The following GTF3C1 variants were observed in gnomAD, a reference collection of about 807,000 sequenced individuals.
GTF3C1 encodes general transcription factor IIIC subunit 1, also known as general transcription factor 3C polypeptide 1.
In GTF3C1, 57 loss-of-function variants were observed where a neutral mutation model predicts 226.7. The observed-to-expected ratio is 0.25, with a 90% CI of 0.20 to 0.31. The LOEUF (loss-of-function observed/expected upper bound fraction) is 0.31. Among genes scored for constraint, GTF3C1 ranks in the 10% least tolerant of loss-of-function variants. The pLI is 1.00. For synonymous variants in GTF3C1, 1,090 were observed against 1,084.8 expected, an observed-to-expected ratio of 1.00 and a Z score of -0.09; for missense variants, 2,217 against 2,776.1, an observed-to-expected ratio of 0.80 and a Z score of 4.53.
intron 2 of GTF3C1, among the ~76,000 whole-genome samples, chr16:27,539,752 G>C (rs1288625649): frequency 2.0e-5 from 3 of 152,190 alleles, no homozygotes; most frequent in African/African-American, 7.2e-5. Flanking sequence ...CTGCCCTCTT[G>C]AATACATTAA....
In GTF3C1 at chr16:27,507,185, C is replaced by CTTTGCAGTGGGA; in HGVS notation, c.1243-30_1243-29insTCCCACTGCAAA. Reference sequence around the variant, plus strand: ...GAGGGAATAAGATGTGTTTATCCCACTGCAAAGAGGGCGTCATACCCACAG... The same window carrying CTTTGCAGTGGGA: ...GAGGGAATAAGATGTGTTTATCCCACTTTGCAGTGGGATGCAAAGAGGGCGTCATACCCACAG... On this transcript the variant is annotated intron_variant, in intron 8 of 36. Coordinates refer to ENST00000356183, the MANE Select transcript of GTF3C1 (RefSeq NM_001520.4). This position sits in a 1 kb window ranked among gnomAD's most constrained non-coding sequence, Gnocchi z 4.9. The CTTTGCAGTGGGA allele has an allele frequency of 6.5e-7, 1 of 1,533,360 alleles. No homozygotes were observed. The highest frequency in any genetic ancestry group is 8.9e-7 in the Non-Finnish European group (1 of 1,124,804). The allele number at this position is 1,533,360 out of a possible 1,614,324, so 95.0% of individuals were successfully genotyped here.
At chr16:27,523,653 C>T (rs2088785173) in intron 6 of GTF3C1, among the ~76,000 whole-genome samples, 3 of 152,132 alleles carry the variant, frequency 2.0e-5, no homozygotes, top group African/African-American at 7.2e-5. Context: ...CTGTTCCAAG[C>T]AGACACTGTA....
chr16:27,545,369 C>A lies in GTF3C1; in HGVS notation c.376G>T (p.Asp126Tyr). Reference protein sequence around the residue: ...YFKERKNITNDIRTKSLQPRC... With the variant: ...YFKERKNITNYIRTKSLQPRC... ...GGCTGCAAGGACTTGGTTCTGATGT[C>A]ATTGGTAATGTTTTTCCTCTCCTTA... Residue 126 changes from aspartate (D) to tyrosine (Y), a missense_variant, in exon 2 of 37, where the codon GAC (aspartate) becomes TAC (tyrosine). By Grantham distance (160) the Asp-to-Tyr change is radical (BLOSUM62 -3). Around this residue, in one of 12 missense-constraint regions of GTF3C1, gnomAD observed 192 missense variants for 251.8 expected, o/e 0.76. Transcript: ENST00000356183. 1.2e-6 allele frequency: 2 copies of A among 1,614,058 alleles called. No individual in the cohort carries two copies. The highest frequency in any genetic ancestry group is 1.1e-5 in the South Asian group (1 of 91,082).
intron 23 of GTF3C1, among the ~76,000 whole-genome samples, chr16:27,486,478 T>C (rs561757178): frequency 1.4e-4 from 22 of 152,278 alleles, no homozygotes; most frequent in Admixed American, 1.0e-3. Context: ...GAAGGCATCT[T>C]GTACAGAAGC....
At chr16:27,531,577 C>T (rs1164516935) in intron 5 of GTF3C1, among the ~76,000 whole-genome samples, 1 of 152,266 alleles carries the variant, frequency 6.6e-6, no homozygotes, top group African/African-American at 2.4e-5. Context: ...GGCTAACTTT[C>T]ACCATCTTAT....
chr16:27,488,191 A>G, intron 23 of GTF3C1, 36 bp downstream of exon 23: 1 of 1,578,064 alleles, frequency 6.3e-7, no homozygotes. Context: ...CAAAACAAAG[A>G]CAAGGCCCAG....
rs1486686188 is a variant in GTF3C1 at position 27,470,605 on chromosome 16, T to C, written c.4527-210A>G. 1 of 563,428 alleles carries C rather than the reference T, an allele frequency of 1.8e-6. No homozygotes were observed. The highest frequency in any genetic ancestry group is 3.2e-6 in the Non-Finnish European group (1 of 315,324). The allele number at this position is 563,428 out of a possible 1,614,324, so 34.9% of individuals were successfully genotyped here. ...TCTCTTCCCCGCTTGCCTGAGTACC[T>C]TCCGGGCAGAGTCCTGTCTCCTCAT... On this transcript the variant is annotated intron_variant, in intron 30 of 36. Transcript: ENST00000356183. The surrounding 1 kb of genome is among the most constrained non-coding windows in gnomAD (Gnocchi z 4.9).
intron 6 of GTF3C1, among the ~76,000 whole-genome samples, chr16:27,519,576 A>G (rs1273726749): frequency 6.6e-6 from 1 of 152,238 alleles, no homozygotes; most frequent in Non-Finnish European, 1.5e-5. Context: ...GAGGCAGCAG[A>G]GTAAGTAACC....
chr16:27,467,070 G>C (rs542334146), intron 32 of GTF3C1, among the ~76,000 whole-genome samples: 1 of 152,330 alleles, frequency 6.6e-6, no homozygotes, highest in Non-Finnish European at 1.5e-5. Flanking sequence ...CAGTAATGAA[G>C]GTGGATACAC....
At chr16:27,486,187 T>G in intron 23 of GTF3C1, 33 bp from the exon 24 acceptor site, 1 of 1,421,366 alleles carries the variant, frequency 7.0e-7, no homozygotes, top group Non-Finnish European at 9.8e-7. Flanking sequence ...GCAGGAGACC[T>G]CTAACACCTG....
intron 7 of GTF3C1, among the ~76,000 whole-genome samples, 174 bp from the exon 8 acceptor site, chr16:27,508,829 C>T (rs897495394): frequency 2.0e-5 from 3 of 152,164 alleles, no homozygotes; most frequent in Admixed American, 2.0e-4. Context: ...TCCCAAGCCT[C>T]TGAGTAATAT....
chr16:27,522,329 A>G (rs2088762760), intron 6 of GTF3C1, among the ~76,000 whole-genome samples: 1 of 152,240 alleles, frequency 6.6e-6, no homozygotes, highest in Admixed American at 6.5e-5. Flanking sequence ...TTTCCTATAA[A>G]TGGAACCATA....
Position 27,488,369 on chromosome 16 carries a change from C to A in GTF3C1, c.3558G>T (p.Glu1186Asp), listed in dbSNP as rs776849552. Residue 1186 changes from glutamate (E) to aspartate (D), a missense_variant, in exon 23 of 37, where the codon GAG (glutamate) becomes GAT (aspartate). This residue lies in a region of GTF3C1 where 546 missense variants were observed against 663.0 expected (regional missense o/e 0.82). Coordinates refer to ENST00000356183, the MANE Select transcript of GTF3C1 (RefSeq NM_001520.4). ...ACTGCTCTTCCCAGCCAGCACAGAG[C>A]TCGGAGCCTACTCTTGCTTCCCCCC... ...NIWGEARVGS[E>D]LCAGWEEQFE... is the part of the protein sequence containing the mutation. The A allele has an allele frequency of 3.5e-5, 56 of 1,613,756 alleles. No homozygotes were observed. In the Admixed American group the frequency reaches 9.0e-4, roughly 26 times the overall value.
rs559937283 is a variant in GTF3C1 at position 27,494,406 on chromosome 16, A to C, written c.2778+357T>G. On this transcript the variant is annotated intron_variant, in intron 16 of 36. Coordinates refer to ENST00000356183, the MANE Select transcript of GTF3C1 (RefSeq NM_001520.4). ...ACAGAGCAAGACTCTGTCTCATAAA[A>C]AAAAAACAAAAAAAAAAAACAAAAA... 4.7e-5 allele frequency among the ~76,000 whole-genome samples: 7 copies of C among 147,514 alleles called. No individual in the cohort carries two copies. The East Asian group carries it at 1.4e-3, about 29-fold the overall frequency.
Position 27,549,760 on chromosome 16 carries a change from T to C in GTF3C1, c.131A>G (p.Gln44Arg). 1 of 1,612,624 alleles carries C rather than the reference T, an allele frequency of 6.2e-7. No individual in the cohort carries two copies. Among genetic ancestry groups the C allele is most frequent in the Non-Finnish European group, 8.5e-7 (1 of 1,179,780 alleles). Residue 44 changes from glutamine (Q) to arginine (R), a missense_variant, in exon 1 of 37, where the codon CAG (glutamine) becomes CGG (arginine). By Grantham distance (43) the Gln-to-Arg change is conservative (BLOSUM62 1). Coordinates refer to ENST00000356183, the MANE Select transcript of GTF3C1 (RefSeq NM_001520.4). The part of the protein sequence containing the change: ...PFPLPLEPCT[Q>R]EFLWRALATH... ...GGCGAGGGCCCGCCAGAGAAACTCC[T>C]GCGTGCAGGGTTCCAAAGGCAGCGG...
rs745654821 is a variant in GTF3C1, at chr16:27,462,671, C to T, written c.5925-185G>A. The T allele has an allele frequency of 3.7e-5, 21 of 575,284 alleles. No homozygotes were observed. Among genetic ancestry groups the T allele is most frequent in the Admixed American group, 2.4e-4 (8 of 33,748 alleles). 35.6% of individuals were successfully genotyped at this position (575,284 alleles called of 1,614,324 possible). ...CTGTCTGGACAGAGGGGCCCTTGACCGCCAGCTGGGTGGAACCAGGACGTG... is the reference window on the plus strand; with the variant it reads ...CTGTCTGGACAGAGGGGCCCTTGACTGCCAGCTGGGTGGAACCAGGACGTG... On this transcript the variant is annotated intron_variant, in intron 35 of 36. Transcript: ENST00000356183. This position sits in a 1 kb window ranked among gnomAD's most constrained non-coding sequence, Gnocchi z 4.5.
At position 27,537,813 on chromosome 16, in the gene GTF3C1, G is replaced by C; in HGVS notation, c.723C>G (p.Leu241=). The part of the protein sequence containing the change: ...LPTGAQQHSI[L]LLLNRFHVDR... ...CCACATGAAACCGGTTCAGTAGGAG[G>C]AGGATTGAGTGTTGCTGGGCTCCAG... Residue 241 remains leucine (L), a synonymous_variant, in exon 4 of 37, where the codon CTC becomes CTG. Coordinates refer to ENST00000356183, the MANE Select transcript of GTF3C1 (RefSeq NM_001520.4). 6.2e-7 allele frequency: 1 copy of C among 1,612,356 alleles called. No individual in the cohort carries two copies. The highest frequency in any genetic ancestry group is 8.5e-7 in the Non-Finnish European group (1 of 1,178,386).
intron 24 of GTF3C1, 76 bp from the exon 25 acceptor site, chr16:27,484,429 T>C (rs2088104007): frequency 9.6e-7 from 1 of 1,045,042 alleles, no homozygotes; most frequent in Non-Finnish European, 1.5e-6. Context: ...CATAAAAAAG[T>C]GGACAAAATG....
chr16:27,546,620 TG>T (rs1433973799), intron 1 of GTF3C1, among the ~76,000 whole-genome samples: 3 of 151,880 alleles, frequency 2.0e-5, no homozygotes, highest in African/African-American at 7.3e-5. Context: ...GGATTACAGG[TG>T]TGAGCCACCT....
Sources: gnomAD v4.1 joint callset for allele counts (sites outside exome capture counted in the v4.1 genomes callset) on GRCh38, gnomAD v4.1.1 for gene constraint, gnomAD v4.1.1 regional missense constraint, Gnocchi (gnomAD v3.1) non-coding constraint, MANE v1.5 for transcripts, NCBI Gene and HGNC (gene_info 2026-07-23, HGNC 2026-07-21) for gene names.